The following TXLNB variants were observed in gnomAD, a reference collection of about 807,000 sequenced individuals.
The protein encoded by TXLNB is beta-taxilin.
TXLNB carries 37 observed loss-of-function variants against 57.4 expected under a neutral mutation model. The ratio of observed to expected loss-of-function variants is 0.64; its 90% CI spans 0.50 to 0.85. TXLNB has a LOEUF of 0.85. TXLNB is among the 40% of genes least tolerant of loss of function. The pLI, the probability that TXLNB is intolerant of heterozygous loss-of-function variation, is 0.00. For missense variants in TXLNB, 848 were observed against 825.6 expected, an observed-to-expected ratio of 1.03 and a Z score of -0.33; for synonymous variants, 302 against 309.6, an observed-to-expected ratio of 0.98 and a Z score of 0.26.
At chr6:139,172,734 A>G in the TXLNB span, among the ~76,000 whole-genome samples, 1 of 152,224 alleles carries the variant, frequency 6.6e-6, no homozygotes, top group Non-Finnish European at 1.5e-5. Context: ...GACATGAATC[A>G]GTCTGGACTT....
chr6:139,202,302 T>C, the TXLNB span, among the ~76,000 whole-genome samples: 1 of 152,240 alleles, frequency 6.6e-6, no homozygotes, highest in Non-Finnish European at 1.5e-5. Flanking sequence ...TTTTCCACTA[T>C]TGTACAAATT....
the TXLNB span, among the ~76,000 whole-genome samples, chr6:139,208,408 TAGAGAA>T: frequency 2.6e-5 from 4 of 152,108 alleles, no homozygotes; most frequent in African/African-American, 9.7e-5. Flanking sequence ...TTCCAAAAGA[TAGAGAA>T]AGAGGGAATC....
the TXLNB span, among the ~76,000 whole-genome samples, chr6:139,181,748 C>T: frequency 6.6e-6 from 1 of 152,082 alleles, no homozygotes; most frequent in African/African-American, 2.4e-5. Flanking sequence ...GTCTGCTTTC[C>T]TTATAAAGAA....
the TXLNB span, among the ~76,000 whole-genome samples, chr6:139,182,602 T>C: frequency 6.6e-6 from 1 of 152,134 alleles, no homozygotes; most frequent in African/African-American, 2.4e-5. Context: ...AATTCTTGTC[T>C]TGAGCTTTTC....
Position 139,241,351 on chromosome 6 carries a change from C to G in TXLNB, c.*1175G>C, listed in dbSNP as rs1775928665. 1 of 152,118 alleles carries G rather than the reference C, an allele frequency of 6.6e-6. No homozygotes were observed. Among genetic ancestry groups the G allele is most frequent in the South Asian group, 2.1e-4 (1 of 4,830 alleles). The allele number at this position is 152,118 out of a possible 1,614,324, so 9.4% of individuals were successfully genotyped here. ...TATTTAGCATTAATTGAGATGAGGG[C>G]TGGGTGTAATTTCCTGCTACAAAGG... On this transcript the variant is annotated 3_prime_UTR_variant, in exon 10 of 10. Transcript: ENST00000358430.
the TXLNB span, among the ~76,000 whole-genome samples, chr6:139,205,970 C>A: frequency 6.6e-6 from 1 of 152,192 alleles, no homozygotes; most frequent in Non-Finnish European, 1.5e-5. Flanking sequence ...AGATTAACAG[C>A]AGATTCCTCA....
At chr6:139,251,883 T>C (rs890496222) in intron 7 of TXLNB, among the ~76,000 whole-genome samples, 6 of 152,196 alleles carry the variant, frequency 3.9e-5, no homozygotes, top group African/African-American at 1.4e-4. Flanking sequence ...TGTAGAGGTA[T>C]GGGGAGGACT....
Position 139,247,907 on chromosome 6 carries a change from G to T in TXLNB, c.1080C>A (p.Leu360=). 6.3e-7 allele frequency: 1 copy of T among 1,595,962 alleles called. No individual in the cohort carries two copies. Residue 360 remains leucine, a splice_region_variant and synonymous_variant, in exon 8 of 10, where the codon CTC becomes CTA. Transcript: ENST00000358430. The stretch of plus-strand genomic sequence containing the variant: ...CTTCAAACCTTCCTGAGTAGAGAGT[G>T]AGCTGTAAACAGAGGAAAGAGTGGA... ...KEQETVLQAQ[L]TLYSGRFEEF...
the TXLNB span, among the ~76,000 whole-genome samples, chr6:139,321,855 A>G: frequency 7.8e-3 from 1,182 of 151,848 alleles, 20 homozygotes; most frequent in African/African-American, 0.027. Context: ...GATGGTCTCG[A>G]TCTCCTGACC....
the TXLNB span, among the ~76,000 whole-genome samples, chr6:139,323,518 C>A: frequency 6.6e-6 from 1 of 152,068 alleles, no homozygotes; most frequent in Non-Finnish European, 1.5e-5. Context: ...CTCCTGACCT[C>A]GTGATCCGCC....
the TXLNB span, among the ~76,000 whole-genome samples, chr6:139,225,871 A>G: frequency 6.6e-6 from 1 of 152,214 alleles, no homozygotes; most frequent in Non-Finnish European, 1.5e-5. Flanking sequence ...AGTTAAGAAT[A>G]CTTTGAAGAA....
At chr6:139,230,069 T>G in the TXLNB span, among the ~76,000 whole-genome samples, 1 of 152,062 alleles carries the variant, frequency 6.6e-6, no homozygotes, top group African/African-American at 2.4e-5. Flanking sequence ...TTAACACGTG[T>G]GGCAGACAAT....
the TXLNB span, among the ~76,000 whole-genome samples, chr6:139,225,950 T>C: frequency 2.0e-5 from 3 of 152,268 alleles, no homozygotes; most frequent in African/African-American, 7.2e-5. Context: ...ATTAAAATTA[T>C]GTGGTATTGG....
At chr6:139,159,757 G>A in the TXLNB span, among the ~76,000 whole-genome samples, 57 of 152,324 alleles carry the variant, frequency 3.7e-4, no homozygotes, top group African/African-American at 1.3e-3. Context: ...TTACAAGGAT[G>A]AATGTGACTA....
intron 3 of TXLNB, among the ~76,000 whole-genome samples, chr6:139,274,481 G>C (rs1413390821): frequency 6.6e-6 from 1 of 152,116 alleles, no homozygotes; most frequent in Non-Finnish European, 1.5e-5. Flanking sequence ...TTTTTTCTAA[G>C]GTGATCTCTC....
the TXLNB span, among the ~76,000 whole-genome samples, chr6:139,300,955 G>T: frequency 1.3e-5 from 2 of 152,148 alleles, no homozygotes; most frequent in Admixed American, 1.3e-4. Context: ...GACTACAAAG[G>T]AAGCACCACA....
At chr6:139,280,473 G>T (rs899410786) in intron 2 of TXLNB, among the ~76,000 whole-genome samples, 1 of 151,718 alleles carries the variant, frequency 6.6e-6, no homozygotes, top group Non-Finnish European at 1.5e-5. Flanking sequence ...GTAAAACCGC[G>T]TCTCTACTAA....
At position 139,270,536 on chromosome 6, in the gene TXLNB, C is replaced by T. The variant is rs189830134; in HGVS notation, c.607G>A (p.Glu203Lys). ...IQKEKDQLQG[E>K]HSRAILARSK... ...CGAGCGAGGATAGCTCTGCTGTGTT[C>T]ACCTTGTAACTGGTCCTTTTCTTTT... Residue 203 changes from glutamate (E) to lysine (K), a missense_variant, in exon 4 of 10, where the codon GAA (glutamate) becomes AAA (lysine). Coordinates refer to ENST00000358430, the MANE Select transcript of TXLNB (RefSeq NM_153235.4). 6.2e-7 allele frequency: 1 copy of T among 1,614,178 alleles called. No homozygotes were observed. Among genetic ancestry groups the T allele is most frequent in the East Asian group, 2.2e-5 (1 of 44,886 alleles).
the TXLNB span, among the ~76,000 whole-genome samples, chr6:139,227,150 C>T: frequency 2.0e-5 from 3 of 151,784 alleles, no homozygotes; most frequent in Middle Eastern, 3.4e-3. Context: ...GCCAGCCTGA[C>T]CAACATGGCA....
Sources: gnomAD v4.1 joint callset for allele counts (sites outside exome capture counted in the v4.1 genomes callset) on GRCh38, gnomAD v4.1.1 for gene constraint, MANE v1.5 for transcripts, NCBI Gene and HGNC (gene_info 2026-07-23, HGNC 2026-07-21) for gene names.